The following TMPO variants were observed in gnomAD, a reference collection of about 807,000 sequenced individuals.
The protein encoded by TMPO is LEM domain containing 4.
A neutral mutation model predicts 45.4 loss-of-function variants in TMPO; 22 were observed. The ratio of observed to expected loss-of-function variants is 0.48; its 90% CI spans 0.35 to 0.69. The LOEUF is 0.69. TMPO is among the 30% of genes least tolerant of loss of function. The pLI is 0.01. For synonymous variants in TMPO, 241 were observed against 204.1 expected (o/e 1.18, Z -1.54); for missense variants, 512 against 548.8 (o/e 0.93, Z 0.67).
chr12:98,544,444 G>A lies in TMPO; in HGVS notation c.786G>A (p.Val262=), dbSNP rs765329750. The A allele has an allele frequency of 6.2e-7, 1 of 1,613,586 alleles. No homozygotes were observed. Among genetic ancestry groups the A allele is most frequent in the South Asian group, 1.1e-5 (1 of 91,046 alleles). Residue 262 remains valine, a splice_region_variant and synonymous_variant, in exon 6 of 9, where the codon GTG becomes GTA. Coordinates refer to ENST00000556029, the MANE Select transcript of TMPO (RefSeq NM_001032283.3). ...RGSRRTPRKR[V]ETSEHFRIDG... ...TTGTTTTGTTTTCAAACTAACAGGT[G>A]GAAACTTCAGAACATTTTCGTATAG... is the stretch of plus-strand genomic sequence containing the variant.
intron 3 of TMPO, among the ~76,000 whole-genome samples, chr12:98,536,380 T>C (rs1343382150): frequency 1.3e-5 from 2 of 151,914 alleles, no homozygotes; most frequent in African/African-American, 4.8e-5. Flanking sequence ...TGAAATGAAG[T>C]TTCGCTCTTG....
chr12:98,544,412 ATTGTTT>A, intron 5 of TMPO, 24 bp from the exon 6 acceptor site: 1 of 1,612,162 alleles, frequency 6.2e-7, no homozygotes, highest in Non-Finnish European at 8.5e-7. Context: ...TTTTATATTT[ATTGTTT>A]TTGTTTTGTT....
At chr12:98,527,525 TAAAAA>T (rs145065353) in intron 1 of TMPO, 1 of 158,224 alleles carries the variant, frequency 6.3e-6, no homozygotes. Context: ...CCTGTATCAT[TAAAAA>T]AAAAAAAAAA....
intron 4 of TMPO, chr12:98,537,816 A>G (rs1877666250): frequency 1.7e-6 from 1 of 586,006 alleles, no homozygotes. Flanking sequence ...TGTAGTTCAA[A>G]GCCAGTTATA....
intron 1 of TMPO, chr12:98,516,512 C>G (rs563483080): frequency 1.9e-6 from 2 of 1,066,716 alleles, no homozygotes; most frequent in African/African-American, 3.3e-5. Flanking sequence ...CCCCAAAATG[C>G]TATAGGTTAA....
Position 98,533,136 on chromosome 12 carries a change from G to A in TMPO, c.565+1298G>A, listed in dbSNP as rs370939324. The A allele has an allele frequency of 6.4e-5, 104 of 1,614,080 alleles. No individual in the cohort carries two copies. Among genetic ancestry groups the A allele is most frequent in the East Asian group, 8.9e-5 (4 of 44,882 alleles). On this transcript the variant is annotated intron_variant, in intron 3 of 8. Coordinates refer to ENST00000556029, the MANE Select transcript of TMPO (RefSeq NM_001032283.3). ...ATAGGTGTTTAGAGAAAAGTTCTTC[G>A]TCATCTTCTCAGCCTGAACACAGTG...
intron 3 of TMPO, chr12:98,534,547 C>G (rs1877452175): frequency 1.5e-6 from 2 of 1,371,150 alleles, no homozygotes; most frequent in African/African-American, 2.9e-5. Context: ...AAGCCTGGTA[C>G]AAACAATTTA....
chr12:98,531,150 G>T (rs987146285), intron 2 of TMPO, among the ~76,000 whole-genome samples: 1 of 151,622 alleles, frequency 6.6e-6, no homozygotes, highest in African/African-American at 2.4e-5. Flanking sequence ...ATGTTGGTCA[G>T]GCTTGTCTTG....
intron 3 of TMPO, chr12:98,532,765 A>G (rs1877284472): frequency 6.2e-7 from 1 of 1,612,028 alleles, no homozygotes; most frequent in Non-Finnish European, 8.5e-7. Context: ...GAGGCAAAGA[A>G]TAAAATCAGC....
chr12:98,537,105 G>T (rs2121223408), intron 3 of TMPO, among the ~76,000 whole-genome samples: 1 of 152,188 alleles, frequency 6.6e-6, no homozygotes, highest in South Asian at 2.1e-4. Context: ...CAAAACAATG[G>T]TAACAATTGT....
chr12:98,516,007 C>T lies in TMPO; in HGVS notation c.140C>T (p.Ala47Val). ...YVQLYLQHLT[A>V]RNRPPLPAGT... is the part of the protein sequence containing the mutation. Reference sequence around the variant, plus strand: ...CAGCTCTACCTGCAGCACCTCACGGCTCGCAACCGGCCGCCGCTCCCCGCC... The same window carrying T: ...CAGCTCTACCTGCAGCACCTCACGGTTCGCAACCGGCCGCCGCTCCCCGCC... Residue 47 changes from alanine (A) to valine (V), a missense_variant, in exon 1 of 9, where the codon GCT becomes GTT. Ala to Val is a moderately conservative substitution (Grantham distance 64). Around this residue, in one of 3 missense-constraint regions of TMPO, gnomAD observed 299 missense variants for 296.7 expected, o/e 1.01. Coordinates refer to ENST00000556029, the MANE Select transcript of TMPO (RefSeq NM_001032283.3). 1 of 1,610,848 alleles carries T rather than the reference C, an allele frequency of 6.2e-7. No individual in the cohort carries two copies. Among genetic ancestry groups the T allele is most frequent in the Non-Finnish European group, 8.5e-7 (1 of 1,179,428 alleles).
At chr12:98,537,431 TTGAG>T (rs1877639358) in intron 3 of TMPO, 40 bp from the exon 4 acceptor site, 1 of 1,458,128 alleles carries the variant, frequency 6.9e-7, no homozygotes, top group African/African-American at 1.4e-5. Context: ...TCATCATTTA[TTGAG>T]TGTTTCAGAG....
intron 4 of TMPO, among the ~76,000 whole-genome samples, chr12:98,543,403 T>C (rs1878042641): frequency 6.6e-6 from 1 of 152,232 alleles, no homozygotes; most frequent in South Asian, 2.1e-4. Context: ...AATCAGAATC[T>C]GCATTTAACA....
At chr12:98,525,199 A>T (rs1344969479) in intron 1 of TMPO, among the ~76,000 whole-genome samples, 1 of 152,188 alleles carries the variant, frequency 6.6e-6, no homozygotes, top group Non-Finnish European at 1.5e-5. Context: ...CTATTTGGAT[A>T]TTATGGTGTG....
At chr12:98,538,953 C>T (rs906112178) in intron 4 of TMPO, among the ~76,000 whole-genome samples, 5 of 152,140 alleles carry the variant, frequency 3.3e-5, no homozygotes, top group Non-Finnish European at 5.9e-5. Context: ...GTAATCCCAG[C>T]ACTTTGGGAG....
intron 3 of TMPO, 72 bp downstream of exon 3, chr12:98,531,910 A>C: frequency 7.4e-7 from 1 of 1,349,288 alleles, no homozygotes; most frequent in Non-Finnish European, 1.0e-6. Flanking sequence ...CCATGAAGAA[A>C]GTAAAATTTA....
rs1157717854 is a variant in TMPO at position 98,515,963 on chromosome 12, G to A, written c.96G>A (p.Gln32=). Residue 32 remains glutamine (Q), a synonymous_variant, in exon 1 of 9, where the codon CAG becomes CAA. Coordinates refer to ENST00000556029, the MANE Select transcript of TMPO (RefSeq NM_001032283.3). Reference sequence around the variant, plus strand: ...ATGTGACGCTGCCGGCCGGGGAGCAGCGCAAAGACGTGTACGTCCAGCTCT... The same window carrying A: ...ATGTGACGCTGCCGGCCGGGGAGCAACGCAAAGACGTGTACGTCCAGCTCT... ...ANNVTLPAGE[Q]RKDVYVQLYL... is the part of the protein sequence containing the mutation. The A allele has an allele frequency of 1.2e-6, 2 of 1,613,230 alleles. No individual in the cohort carries two copies. The highest frequency in any genetic ancestry group is 1.7e-6 in the Non-Finnish European group (2 of 1,179,864).
intron 1 of TMPO, among the ~76,000 whole-genome samples, chr12:98,521,208 C>T (rs1043169882): frequency 6.7e-6 from 1 of 148,386 alleles, no homozygotes; most frequent in African/African-American, 2.5e-5. Flanking sequence ...CCTGGGTTCA[C>T]GCCATTCTCC....
intron 1 of TMPO, among the ~76,000 whole-genome samples, chr12:98,525,099 T>A (rs1164184830): frequency 6.6e-6 from 1 of 152,230 alleles, no homozygotes; most frequent in African/African-American, 2.4e-5. Context: ...TTTTGGAAAA[T>A]TTGAGTAAGT....
Sources: gnomAD v4.1 joint callset for allele counts (sites outside exome capture counted in the v4.1 genomes callset) on GRCh38, gnomAD v4.1.1 for gene constraint, gnomAD v4.1.1 regional missense constraint, MANE v1.5 for transcripts, NCBI Gene and HGNC (gene_info 2026-07-23, HGNC 2026-07-21) for gene names.